The following PUM3 variants were observed in gnomAD, a reference collection of about 807,000 sequenced individuals.
PUM3 encodes pumilio RNA binding family member 3.
PUM3 carries 91 observed loss-of-function variants against 84.0 expected under a neutral mutation model. That is an observed-to-expected ratio of 1.08 (90% CI 0.91 to 1.29). The LOEUF (loss-of-function observed/expected upper bound fraction) is 1.29, where lower values mean the gene tolerates loss of function less well. PUM3 is among the 50% of genes most tolerant of loss of function. The pLI, the probability that PUM3 is intolerant of heterozygous loss-of-function variation, is 0.00. For missense variants in PUM3, 1,067 were observed against 767.5 expected, an observed-to-expected ratio of 1.39 and a Z score of -4.61; for synonymous variants, 321 against 266.7, an observed-to-expected ratio of 1.20 and a Z score of -1.98.
rs769698878 is a variant in PUM3, at chr9:2,812,238, C to A, written c.1394G>T (p.Gly465Val). ...VREIIEVLQKGDGNAHSKKDT... is the reference protein window; with the variant it reads ...VREIIEVLQKVDGNAHSKKDT... ...GTTTTACCTGTGTGCATTTCCATCT[C>A]CTTTTTGCAGAACTTCAATGATTTC... Residue 465 changes from glycine (G) to valine (V), a missense_variant, in exon 14 of 18, where the codon GGA becomes GTA. Physicochemically the swap from Gly to Val is moderately radical, Grantham distance 109 (BLOSUM62 -3). Coordinates refer to ENST00000397885, the MANE Select transcript of PUM3 (RefSeq NM_014878.5). 23 of 1,613,828 alleles carry A rather than the reference C, an allele frequency of 1.4e-5. No individual in the cohort carries two copies. The East Asian group carries it at 4.9e-4, about 34-fold the overall frequency.
intron 1 of PUM3, among the ~76,000 whole-genome samples, chr9:2,841,012 C>T (rs149662081): frequency 4.8e-4 from 73 of 152,280 alleles, no homozygotes; most frequent in African/African-American, 1.7e-3. Flanking sequence ...ATTTTTATAT[C>T]TATTACAATA....
chr9:2,829,733 G>T (rs376827267), intron 8 of PUM3, 41 bp downstream of exon 8: 84 of 1,554,576 alleles, frequency 5.4e-5, no homozygotes, highest in Non-Finnish European at 6.8e-5. Context: ...AGAGCATATC[G>T]AAAAGTAAAA....
At position 2,841,166 on chromosome 9, in the gene PUM3, T is replaced by C. The variant is rs140244825; in HGVS notation, c.-10-2649A>G. 1.4e-4 allele frequency among the ~76,000 whole-genome samples: 21 copies of C among 152,330 alleles called. 1 individual carries two copies. The East Asian group carries it at 4.1e-3, about 29-fold the overall frequency. ...ATCTACAATTTATTTATACACATAT[T>C]CCACCCTACTATACATGCATAGTTT... is the stretch of plus-strand genomic sequence containing the variant. On this transcript the variant is annotated intron_variant, in intron 1 of 17. Transcript: ENST00000397885.
At position 2,843,634 on chromosome 9, in the gene PUM3, A is replaced by G. The variant is rs550178415; in HGVS notation, c.-11+411T>C. Among the ~76,000 whole-genome samples, 20 of 128,948 alleles carry G rather than the reference A, an allele frequency of 1.6e-4. No individual in the cohort carries two copies. In the South Asian group the frequency reaches 2.4e-3, roughly 16 times the overall value. The allele number at this position is 128,948 out of a possible 152,430, so 84.6% of individuals were successfully genotyped here. ...TGCTCTGTCTCCCAGGCTGGAGTGT[A>G]GTGGCACGATCTTGGCTCACTGCAA... On this transcript the variant is annotated intron_variant, in intron 1 of 17. Coordinates refer to ENST00000397885, the MANE Select transcript of PUM3 (RefSeq NM_014878.5).
intron 3 of PUM3, among the ~76,000 whole-genome samples, chr9:2,834,424 C>A (rs564287096): frequency 6.6e-6 from 1 of 152,210 alleles, no homozygotes; most frequent in African/African-American, 2.4e-5. Context: ...AAAAGAATTA[C>A]AAAAGTAACT....
In PUM3 at chr9:2,824,735, C is replaced by G; in HGVS notation, c.1116G>C (p.Leu372=). 6.4e-7 allele frequency: 1 copy of G among 1,560,954 alleles called. No individual in the cohort carries two copies. Among genetic ancestry groups the G allele is most frequent in the Admixed American group, 1.7e-5 (1 of 57,804 alleles). Residue 372 remains leucine (L), a synonymous_variant, in exon 11 of 18, where the codon CTG becomes CTC. Coordinates refer to ENST00000397885, the MANE Select transcript of PUM3 (RefSeq NM_014878.5). ...HDGARVAMHC[L]WHGTPKDRKV... is the part of the protein sequence containing the mutation. The stretch of plus-strand genomic sequence containing the variant: ...CACTTACCTTGGGCGTGCCATGCCA[C>G]AGGCAGTGCATGGCCACTCTGGCGC...
chr9:2,817,367 A>C (rs1821491443), intron 13 of PUM3, among the ~76,000 whole-genome samples: 1 of 152,214 alleles, frequency 6.6e-6, no homozygotes. Context: ...AATGGTTTTT[A>C]CATTTCAAAA....
chr9:2,832,590 G>C (rs1816013054), intron 5 of PUM3, among the ~76,000 whole-genome samples: 1 of 152,184 alleles, frequency 6.6e-6, no homozygotes, highest in Non-Finnish European at 1.5e-5. Flanking sequence ...ATACAGCTGT[G>C]ACCTCAGGGT....
chr9:2,826,283 T>C (rs10738791), intron 10 of PUM3, among the ~76,000 whole-genome samples: 68,302 of 152,006 alleles, frequency 0.45, 16,119 homozygotes, highest in South Asian at 0.57. Flanking sequence ...TCTGAGCATA[T>C]AGTCCTGCCT....
intron 12 of PUM3, among the ~76,000 whole-genome samples, chr9:2,823,181 TAAA>T (rs1390359403): frequency 6.6e-6 from 1 of 151,992 alleles, no homozygotes; most frequent in Non-Finnish European, 1.5e-5. Flanking sequence ...ATTTAATAAC[TAAA>T]AACATATAAA....
At chr9:2,822,022 A>G (rs1224254319) in intron 12 of PUM3, among the ~76,000 whole-genome samples, 1 of 152,196 alleles carries the variant, frequency 6.6e-6, no homozygotes, top group Non-Finnish European at 1.5e-5. Flanking sequence ...CAACGTGCCT[A>G]GTACAAAATC....
At chr9:2,832,643 A>C (rs1446527066) in intron 5 of PUM3, among the ~76,000 whole-genome samples, 1 of 152,186 alleles carries the variant, frequency 6.6e-6, no homozygotes, top group African/African-American at 2.4e-5. Flanking sequence ...AAATTGTCGG[A>C]GCTGAGGGGG....
At position 2,831,254 on chromosome 9, in the gene PUM3, G is replaced by C. The variant is rs375052256; in HGVS notation, c.607C>G (p.Arg203Gly). ...EQRKQAFEELRDDLVELSKAK... is the reference protein window; with the variant it reads ...EQRKQAFEELGDDLVELSKAK... ...ATCTTTAGTATGTAATAAATACCTC[G>C]CAATTCTTCAAAAGCCTGTTTTCTC... is the stretch of plus-strand genomic sequence containing the variant. The change falls in exon 6 of 18, where the codon CGA becomes GGA. Residue 203 changes from arginine (R) to glycine (G), a missense_variant. Coordinates refer to ENST00000397885, the MANE Select transcript of PUM3 (RefSeq NM_014878.5). The C allele has an allele frequency of 1.9e-6, 3 of 1,569,832 alleles. No homozygotes were observed. Among genetic ancestry groups the C allele is most frequent in the African/African-American group, 2.7e-5 (2 of 73,680 alleles).
intron 3 of PUM3, among the ~76,000 whole-genome samples, chr9:2,835,332 C>T (rs1265507102): frequency 6.6e-6 from 1 of 152,140 alleles, no homozygotes; most frequent in Non-Finnish European, 1.5e-5. Context: ...GCAGGAGGAT[C>T]ACTTGAGTCC....
At chr9:2,810,105 G>C (rs538809405) in intron 16 of PUM3, among the ~76,000 whole-genome samples, 139 of 149,980 alleles carry the variant, frequency 9.3e-4, no homozygotes, top group African/African-American at 2.5e-3. Flanking sequence ...AGGGGGCGGT[G>C]GGGGGGGCTG....
intron 15 of PUM3, 105 bp downstream of exon 15, chr9:2,811,256 C>G (rs1369267354): frequency 1.2e-6 from 1 of 828,846 alleles, no homozygotes; most frequent in African/African-American, 1.7e-5. Context: ...GTTTATTCAA[C>G]AGGTATCTCC....
intron 13 of PUM3, 95 bp downstream of exon 13, chr9:2,819,923 T>A: frequency 2.8e-6 from 2 of 720,938 alleles, no homozygotes; most frequent in South Asian, 1.9e-5. Flanking sequence ...AAGGCACAGC[T>A]GCAAGTCTTT....
chr9:2,830,020 C>G (rs1815933233), intron 7 of PUM3, 72 bp from the exon 8 acceptor site: 3 of 1,389,280 alleles, frequency 2.2e-6, no homozygotes, highest in African/African-American at 1.4e-5. Context: ...ACACAACTTA[C>G]TTCTCCCAAG....
In PUM3 at chr9:2,804,423, T is replaced by G. The variant is rs1175980600; in HGVS notation, c.1855A>C (p.Lys619Gln). The change falls in exon 18 of 18, where the codon AAA becomes CAA. Residue 619 changes from lysine (K) to glutamine (Q), a missense_variant. Transcript: ENST00000397885. ...SCDLEVANKV[K>Q]AALKSLIPTL... ...GGAATCAAGCTTTTCAGTGCAGCTT[T>G]GACTTTGTTTGCAACTTCCAGGTCA... 1 of 1,613,906 alleles carries G rather than the reference T, an allele frequency of 6.2e-7. No homozygotes were observed. Among genetic ancestry groups the G allele is most frequent in the African/African-American group, 1.3e-5 (1 of 74,938 alleles).
Sources: allele counts gnomAD v4.1 joint callset (sites outside exome capture counted in the v4.1 genomes callset), GRCh38; gene constraint gnomAD v4.1.1; transcripts MANE v1.5; gene names NCBI Gene and HGNC (gene_info 2026-07-23, HGNC 2026-07-21).